Variants in NLGN4X observed in about 807,000 individuals in gnomAD.
NLGN4X encodes the protein neuroligin-4, X-linked.
A neutral mutation model predicts 40.3 loss-of-function variants in NLGN4X; 3 were observed. The observed-to-expected ratio is 0.07, with a 90% CI of 0.03 to 0.19. The LOEUF is 0.19. Ranked by LOEUF, NLGN4X falls within the 10% of genes least tolerant of loss-of-function variation. The pLI, the probability that NLGN4X is intolerant of heterozygous loss-of-function variation, is 1.00. For synonymous variants in NLGN4X, 270 were observed against 306.8 expected (o/e 0.88, Z 1.25); for missense variants, 382 against 708.3 (o/e 0.54, Z 5.23).
At chrX:5,952,081 C>G (rs1362985682) in intron 3 of NLGN4X, among the ~76,000 whole-genome samples, 1 of 111,984 alleles carries the variant, frequency 8.9e-6, no homozygotes, top group Non-Finnish European at 1.9e-5. Flanking sequence ...GGAATAGCAA[C>G]TCCACTTTTG....
At chrX:6,052,399 C>G (rs939630167) in intron 2 of NLGN4X, among the ~76,000 whole-genome samples, 1 of 112,448 alleles carries the variant, frequency 8.9e-6, no homozygotes, top group Non-Finnish European at 1.9e-5. Context: ...TCTTTCTGAC[C>G]GCACATCACC....
intron 3 of NLGN4X, among the ~76,000 whole-genome samples, chrX:5,984,713 A>G (rs2147077133): frequency 8.9e-6 from 1 of 112,466 alleles, no homozygotes; most frequent in East Asian, 2.8e-4. Context: ...AATGGAATCC[A>G]GAGAATAGGA....
intron 1 of NLGN4X, among the ~76,000 whole-genome samples, chrX:6,196,563 A>C (rs1314792385): frequency 2.0e-5 from 2 of 100,849 alleles, no homozygotes; most frequent in African/African-American, 7.4e-5. Context: ...AAAAAAAAAA[A>C]AAAAAAAAAA....
chrX:6,135,897 C>T (rs992712955), intron 2 of NLGN4X, among the ~76,000 whole-genome samples: 4 of 111,897 alleles, frequency 3.6e-5, no homozygotes, highest in Admixed American at 2.8e-4. Flanking sequence ...AAATGGAACC[C>T]GAAAATCTCT....
At chrX:6,094,982 A>C (rs2038727407) in intron 2 of NLGN4X, among the ~76,000 whole-genome samples, 1 of 110,522 alleles carries the variant, frequency 9.0e-6, no homozygotes, top group Non-Finnish European at 1.9e-5. Flanking sequence ...TTTTTTTTTA[A>C]AAAGAGTAAT....
At chrX:6,165,218 C>T (rs139064142) in intron 1 of NLGN4X, among the ~76,000 whole-genome samples, 2 of 111,954 alleles carry the variant, frequency 1.8e-5, no homozygotes, top group African/African-American at 6.5e-5. Context: ...ATAACCAAGG[C>T]TTCCAAGATC....
intron 1 of NLGN4X, among the ~76,000 whole-genome samples, chrX:6,162,104 GAAC>G (rs1290366006): frequency 1.8e-5 from 2 of 111,604 alleles, no homozygotes; most frequent in South Asian, 3.7e-4. Context: ...AGCAAACTAA[GAAC>G]AACAGGCTCA....
chrX:6,151,054 T>A lies in NLGN4X; in HGVS notation c.413A>T (p.Tyr138Phe), dbSNP rs141550177. The A allele has an allele frequency of 1.3e-5, 16 of 1,210,460 alleles. No homozygotes were observed. In the East Asian group the frequency reaches 4.7e-4, roughly 36 times the overall value. ...FTANLDTLMT[Y>F]VQDQNEDCLY... Reference sequence around the variant, plus strand: ...GCAGTCTTCATTTTGATCTTGAACATAGGTCATCAAAGTATCCAAATTGGC... The same window carrying A: ...GCAGTCTTCATTTTGATCTTGAACAAAGGTCATCAAAGTATCCAAATTGGC... Residue 138 changes from tyrosine to phenylalanine, a missense_variant, in exon 2 of 6, where the codon TAT becomes TTT. Tyr to Phe is a conservative substitution (Grantham distance 22, BLOSUM62 3). Around this residue, in one of 5 missense-constraint regions of NLGN4X, gnomAD observed 115 missense variants for 149.6 expected, o/e 0.77. Transcript: ENST00000381095.
intron 2 of NLGN4X, among the ~76,000 whole-genome samples, chrX:6,117,682 C>T (rs61003793): frequency 0.11 from 12,012 of 111,983 alleles, 608 homozygotes; most frequent in African/African-American, 0.19. Flanking sequence ...TTTAGCACAG[C>T]TGATCCTTTT....
intron 5 of NLGN4X, among the ~76,000 whole-genome samples, chrX:5,900,850 G>A (rs1017149775): frequency 1.8e-5 from 2 of 110,668 alleles, no homozygotes; most frequent in African/African-American, 6.6e-5. Context: ...AAAGTGCTGG[G>A]GTTACAGGCA....
intron 1 of NLGN4X, among the ~76,000 whole-genome samples, chrX:6,182,208 T>C (rs978286145): frequency 1.8e-5 from 2 of 111,916 alleles, no homozygotes; most frequent in Admixed American, 1.9e-4. Flanking sequence ...CCTAAGACCA[T>C]TTCACTGGCC....
At chrX:5,996,748 G>A (rs747915387) in intron 3 of NLGN4X, among the ~76,000 whole-genome samples, 13 of 110,312 alleles carry the variant, frequency 1.2e-4, no homozygotes, top group Admixed American at 5.8e-4. Flanking sequence ...ACAGGGATGC[G>A]CCACCATGCC....
intron 2 of NLGN4X, among the ~76,000 whole-genome samples, chrX:6,084,655 C>A (rs1159806401): frequency 9.0e-6 from 1 of 111,263 alleles, no homozygotes; most frequent in Non-Finnish European, 1.9e-5. Context: ...TATTATTAAA[C>A]CCTAGTAAGA....
chrX:6,128,685 G>C (rs901797884), intron 2 of NLGN4X, among the ~76,000 whole-genome samples: 3 of 111,928 alleles, frequency 2.7e-5, no homozygotes, highest in Non-Finnish European at 3.8e-5. Flanking sequence ...GGAAGACAGG[G>C]GGATGTGGGT....
intron 2 of NLGN4X, among the ~76,000 whole-genome samples, chrX:6,122,716 G>C (rs2039452262): frequency 9.2e-6 from 1 of 109,102 alleles, no homozygotes; most frequent in Non-Finnish European, 1.9e-5. Context: ...TAAACAAACT[G>C]GGATTCAAAA....
chrX:6,014,770 C>T (rs762032157), intron 3 of NLGN4X, among the ~76,000 whole-genome samples: 2 of 111,647 alleles, frequency 1.8e-5, no homozygotes, highest in Non-Finnish European at 1.9e-5. Flanking sequence ...TTTACATAGA[C>T]AGCCATTTCC....
chrX:6,146,587 T>C (rs2040050059), intron 2 of NLGN4X, among the ~76,000 whole-genome samples: 1 of 110,591 alleles, frequency 9.0e-6, no homozygotes, highest in African/African-American at 3.3e-5. Flanking sequence ...ACTTAAGTCA[T>C]AGTATTCAAA....
At chrX:6,048,209 G>C (rs868485910) in intron 2 of NLGN4X, among the ~76,000 whole-genome samples, 1 of 111,756 alleles carries the variant, frequency 8.9e-6, no homozygotes, top group South Asian at 3.7e-4. Flanking sequence ...GTTGATAATG[G>C]AACAAGATCT....
chrX:6,101,790 A>T (rs190476695), intron 2 of NLGN4X, among the ~76,000 whole-genome samples: 2 of 106,102 alleles, frequency 1.9e-5, no homozygotes, highest in East Asian at 5.9e-4. Flanking sequence ...AGTCAATACT[A>T]TAGTCAATAG....
Sources: allele counts gnomAD v4.1 joint callset (sites outside exome capture counted in the v4.1 genomes callset), GRCh38; gene constraint gnomAD v4.1.1; regional missense constraint gnomAD v4.1.1; transcripts MANE v1.5; gene names NCBI Gene and HGNC (gene_info 2026-07-23, HGNC 2026-07-21).